The following ENPP2 variants were observed in gnomAD, a reference collection of about 807,000 sequenced individuals.
ENPP2 encodes autotaxin.
A neutral mutation model predicts 120.2 loss-of-function variants in ENPP2; 51 were observed. The observed-to-expected ratio is 0.42, with a 90% confidence interval of 0.34 to 0.54. The LOEUF is 0.54. Among genes scored for constraint, ENPP2 ranks in the 20% least tolerant of loss-of-function variants. The probability of loss-of-function intolerance (pLI) is 0.04; values close to 1 mark genes in which losing one functional copy is unlikely to be tolerated. For missense variants in ENPP2, 920 were observed against 1,066.5 expected, an observed-to-expected ratio of 0.86 and a Z score of 1.91; for synonymous variants, 365 against 366.4, an observed-to-expected ratio of 1.00 and a Z score of 0.04.
chr8:119,640,328 G>A (rs575722382), upstream of ENPP2, among the ~76,000 whole-genome samples: 1 of 152,266 alleles, frequency 6.6e-6, no homozygotes, highest in East Asian at 1.9e-4. Context: ...TATAAAAGAT[G>A]TTAACTCCAT....
chr8:119,566,087 C>T (rs949407172), intron 22 of ENPP2, among the ~76,000 whole-genome samples: 10 of 152,136 alleles, frequency 6.6e-5, no homozygotes, highest in Admixed American at 4.6e-4. Context: ...TTGCTCTTTC[C>T]TTCGTTTGAA....
chr8:119,642,980 A>T (rs1206577846), upstream of ENPP2, among the ~76,000 whole-genome samples: 1 of 152,206 alleles, frequency 6.6e-6, no homozygotes, highest in Non-Finnish European at 1.5e-5. Flanking sequence ...GTTTCTCATT[A>T]TGCAGAACTG....
chr8:119,596,733 ATC>A (rs1813920487), intron 11 of ENPP2, among the ~76,000 whole-genome samples: 1 of 152,152 alleles, frequency 6.6e-6, no homozygotes, highest in Admixed American at 6.5e-5. Context: ...TCAAAAAGTC[ATC>A]TCTTTTTTGT....
At chr8:119,593,943 A>G in intron 11 of ENPP2, 83 bp from the exon 12 acceptor site, 1 of 829,288 alleles carries the variant, frequency 1.2e-6, no homozygotes, top group Non-Finnish European at 2.1e-6. Flanking sequence ...CCCCTAGAAC[A>G]TTTTGGAAAG....
intron 1 of ENPP2, among the ~76,000 whole-genome samples, chr8:119,661,411 T>C (rs1370063344): frequency 1.3e-5 from 2 of 152,202 alleles, no homozygotes; most frequent in African/African-American, 4.8e-5. Flanking sequence ...ACAGGAAAGC[T>C]GCTCAACATC....
At position 119,562,847 on chromosome 8, in the gene ENPP2, G is replaced by A. The variant is rs756569465; in HGVS notation, c.2421+10C>T. ...AAGCAAATCCTAAAGGACTCTCTCT[G>A]TAAACTCACATTGCAGCTCTCCTCG... On this transcript the variant is annotated intron_variant, in intron 24 of 24. Transcript: ENST00000075322. 1.9e-6 allele frequency: 3 copies of A among 1,613,042 alleles called. No homozygotes were observed. The highest frequency in any genetic ancestry group is 2.5e-6 in the Non-Finnish European group (3 of 1,179,456).
chr8:119,558,337 T>C (rs1488678521), intron 24 of ENPP2, among the ~76,000 whole-genome samples: 1 of 152,188 alleles, frequency 6.6e-6, no homozygotes, highest in Admixed American at 6.5e-5. Flanking sequence ...TACTTGACTT[T>C]TGAGGCCTCA....
upstream of ENPP2, among the ~76,000 whole-genome samples, chr8:119,641,187 G>A (rs1371479516): frequency 2.0e-5 from 3 of 152,082 alleles, no homozygotes; most frequent in East Asian, 5.8e-4. Context: ...TTTTGCCACA[G>A]TTAAACAGAT....
chr8:119,557,601 A>T lies in ENPP2; in HGVS notation c.2512T>A (p.Phe838Ile). 6.2e-7 allele frequency: 1 copy of T among 1,612,878 alleles called. No individual in the cohort carries two copies. The highest frequency in any genetic ancestry group is 8.5e-7 in the Non-Finnish European group (1 of 1,179,934). ...RDIEHLTSLD[F>I]FRKTSRSYPE... The stretch of plus-strand genomic sequence containing the variant: ...TAGCTGCGGCTGGTCTTTCGGAAGA[A>T]GTCCAGGCTGGTGAGATGTTCAATG... The change falls in exon 25 of 25, where the codon TTC becomes ATC. Residue 838 changes from phenylalanine to isoleucine, a missense_variant. Coordinates refer to ENST00000075322, the MANE Select transcript of ENPP2 (RefSeq NM_001040092.3).
intron 22 of ENPP2, 86 bp from the exon 23 acceptor site, chr8:119,565,041 G>T: frequency 8.6e-7 from 1 of 1,167,484 alleles, no homozygotes; most frequent in Non-Finnish European, 1.2e-6. Flanking sequence ...TGCATGCTAC[G>T]AGCCAAATCT....
At chr8:119,635,723 T>C (rs1445629550) in intron 2 of ENPP2, among the ~76,000 whole-genome samples, 1 of 152,262 alleles carries the variant, frequency 6.6e-6, no homozygotes, top group African/African-American at 2.4e-5. Context: ...TCTCATTTCA[T>C]ATCTCCTAAT....
intron 24 of ENPP2, among the ~76,000 whole-genome samples, chr8:119,558,611 C>T (rs1009605924): frequency 9.9e-5 from 15 of 152,218 alleles, no homozygotes; most frequent in African/African-American, 3.4e-4. Context: ...CAGTTCTTTG[C>T]ATCTCAAAAA....
At chr8:119,563,041 CAGTTGATG>C (rs1187778920) in intron 23 of ENPP2, 28 bp from the exon 24 acceptor site, 1 of 1,605,358 alleles carries the variant, frequency 6.2e-7, no homozygotes, top group South Asian at 1.1e-5. Flanking sequence ...AACGAAGTCA[CAGTTGATG>C]AGTTGATGTT....
intron 3 of ENPP2, among the ~76,000 whole-genome samples, chr8:119,622,394 G>C (rs775899057): frequency 6.6e-6 from 1 of 152,198 alleles, no homozygotes; most frequent in Non-Finnish European, 1.5e-5. Flanking sequence ...ACCCATTGTG[G>C]TCCTACCTAC....
Position 119,562,955 on chromosome 8 carries a change from A to C in ENPP2, c.2323T>G (p.Cys775Gly). ...PTHYYSIITSCLDFTQPADKC... is the reference protein window; with the variant it reads ...PTHYYSIITSGLDFTQPADKC... Reference sequence around the variant, plus strand: ...TCGGCAGGCTGAGTGAAATCCAGACAGCTGGTGATGATGCTGTAGTAGTGA... The same window carrying C: ...TCGGCAGGCTGAGTGAAATCCAGACCGCTGGTGATGATGCTGTAGTAGTGA... Residue 775 changes from cysteine to glycine, a missense_variant, in exon 24 of 25, where the codon TGT becomes GGT. Coordinates refer to ENST00000075322, the MANE Select transcript of ENPP2 (RefSeq NM_001040092.3). 6.2e-7 allele frequency: 1 copy of C among 1,614,164 alleles called. No homozygotes were observed. Among genetic ancestry groups the C allele is most frequent in the Non-Finnish European group, 8.5e-7 (1 of 1,179,964 alleles).
At chr8:119,602,732 C>T (rs1387634251) in intron 9 of ENPP2, among the ~76,000 whole-genome samples, 1 of 152,140 alleles carries the variant, frequency 6.6e-6, no homozygotes, top group African/African-American at 2.4e-5. Flanking sequence ...GCACAAAATG[C>T]ATTTTCACTC....
At chr8:119,568,997 T>C (rs767005458) in intron 21 of ENPP2, among the ~76,000 whole-genome samples, 1 of 151,662 alleles carries the variant, frequency 6.6e-6, no homozygotes, top group Non-Finnish European at 1.5e-5. Context: ...TCTCATTTAA[T>C]AATGTAAGGC....
At chr8:119,616,083 T>C (rs1411977007) in intron 8 of ENPP2, among the ~76,000 whole-genome samples, 182 bp downstream of exon 8, 1 of 151,932 alleles carries the variant, frequency 6.6e-6, no homozygotes, top group Non-Finnish European at 1.5e-5. Context: ...TTCAGATATA[T>C]ATATAATGCA....
intron 2 of ENPP2, among the ~76,000 whole-genome samples, chr8:119,634,799 G>A (rs1816900443): frequency 6.6e-6 from 1 of 152,182 alleles, no homozygotes; most frequent in East Asian, 1.9e-4. Flanking sequence ...AATCTAGGCT[G>A]AAGTTCATGG....
Sources: allele counts gnomAD v4.1 joint callset (sites outside exome capture counted in the v4.1 genomes callset), GRCh38; gene constraint gnomAD v4.1.1; transcripts MANE v1.5; gene names NCBI Gene and HGNC (gene_info 2026-07-23, HGNC 2026-07-21).